Variants in TCF7L2 observed in about 807,000 individuals in gnomAD.
TCF7L2 encodes the protein transcription factor 7-like 2.
A neutral mutation model predicts 77.9 loss-of-function variants in TCF7L2; 23 were observed. The ratio of observed to expected loss-of-function variants is 0.30; its 90% CI spans 0.21 to 0.42. TCF7L2 has a LOEUF of 0.42. TCF7L2 is among the 10% of genes least tolerant of loss of function. TCF7L2 has a pLI of 1.00. For synonymous variants in TCF7L2, 413 were observed against 340.2 expected (o/e 1.21, Z -2.36); for missense variants, 654 against 793.1 (o/e 0.82, Z 2.11).
chr10:112,993,841 G>A (rs1292196668), intron 4 of TCF7L2, among the ~76,000 whole-genome samples: 2 of 152,098 alleles, frequency 1.3e-5, no homozygotes, highest in Non-Finnish European at 2.9e-5. Context: ...CGGATCTTGA[G>A]GTCAGGAGTT....
Position 113,167,328 on chromosome 10 carries a change from C to T in TCF7L2, c.*1356C>T, listed in dbSNP as rs949541154. On this transcript the variant is annotated 3_prime_UTR_variant, in exon 14 of 14. Coordinates refer to ENST00000627217, the MANE Select transcript of TCF7L2 (RefSeq NM_001146274.2). ...CGCTTTTATGTACACATATTACATACGAGTAGGCAGCAGACTTTAAAAATA... is the reference window on the plus strand; with the variant it reads ...CGCTTTTATGTACACATATTACATATGAGTAGGCAGCAGACTTTAAAAATA... 5 of 226,500 alleles carry T rather than the reference C, an allele frequency of 2.2e-5. No individual in the cohort carries two copies. The highest frequency in any genetic ancestry group is 4.4e-5 in the Non-Finnish European group (5 of 114,080). 14.0% of individuals were successfully genotyped at this position (226,500 alleles called of 1,614,324 possible).
At chr10:113,024,817 A>G (rs555704586) in intron 4 of TCF7L2, among the ~76,000 whole-genome samples, 1 of 152,092 alleles carries the variant, frequency 6.6e-6, no homozygotes, top group African/African-American at 2.4e-5. Context: ...ATGAGGTTTC[A>G]CCCTGTTAGC....
intron 4 of TCF7L2, among the ~76,000 whole-genome samples, chr10:112,999,807 A>C (rs554937450): frequency 6.6e-6 from 1 of 152,272 alleles, no homozygotes; most frequent in South Asian, 2.1e-4. Flanking sequence ...CTTGTCTATC[A>C]ATACCCCTGT....
intron 5 of TCF7L2, among the ~76,000 whole-genome samples, chr10:113,075,925 C>A (rs2058641922): frequency 6.6e-6 from 1 of 152,052 alleles, no homozygotes; most frequent in African/African-American, 2.4e-5. Context: ...CACCTGAGGT[C>A]AGGAGTTCGA....
intron 4 of TCF7L2, among the ~76,000 whole-genome samples, chr10:112,989,662 G>A (rs75933965): frequency 0.049 from 7,396 of 152,250 alleles, 197 homozygotes; most frequent in Non-Finnish European, 0.064. Context: ...GCGTTGCTAT[G>A]GTGAGGATGG....
rs376095605 is a variant in TCF7L2, at chr10:113,140,339, T to TC, written c.553-839dup. On this transcript the variant is annotated intron_variant, in intron 5 of 13. Transcript: ENST00000627217. Reference sequence around the variant, plus strand: ...AGAAACATTTTTAAAATGCTTTTCTTCCCCCCACCCTGCCCTCTGCTTCTC... The same window carrying TC: ...AGAAACATTTTTAAAATGCTTTTCTTCCCCCCCACCCTGCCCTCTGCTTCTC... Among the ~76,000 whole-genome samples the TC allele has an allele frequency of 1.8e-3, 281 of 151,976 alleles. 3 individuals carry two copies. The South Asian group carries it at 0.027, about 15-fold the overall frequency.
At chr10:113,156,093 G>A (rs999019302) in intron 11 of TCF7L2, among the ~76,000 whole-genome samples, 1 of 150,988 alleles carries the variant, frequency 6.6e-6, no homozygotes. Context: ...AGAACCTAAC[G>A]TGTTCTCGAG....
At chr10:113,146,639 A>G (rs1238755413) in intron 8 of TCF7L2, among the ~76,000 whole-genome samples, 1 of 151,858 alleles carries the variant, frequency 6.6e-6, no homozygotes, top group East Asian at 1.9e-4. Context: ...TTTTTTAAAA[A>G]AAAGATAAAG....
At chr10:113,004,600 T>G (rs1004756275) in intron 4 of TCF7L2, among the ~76,000 whole-genome samples, 1 of 152,248 alleles carries the variant, frequency 6.6e-6, no homozygotes, top group Non-Finnish European at 1.5e-5. Context: ...TGACTCAATC[T>G]TAAACGTCTT....
chr10:113,088,866 G>A (rs2060092351), intron 5 of TCF7L2, among the ~76,000 whole-genome samples: 1 of 151,934 alleles, frequency 6.6e-6, no homozygotes, highest in African/African-American at 2.4e-5. Context: ...CTGTTTGGGA[G>A]GCTGAGACAG....
chr10:113,122,370 C>T (rs1172009352), intron 5 of TCF7L2, among the ~76,000 whole-genome samples: 1 of 152,200 alleles, frequency 6.6e-6, no homozygotes, highest in Non-Finnish European at 1.5e-5. Flanking sequence ...TTAATCTTTG[C>T]TTAAACATAT....
At chr10:113,155,975 C>T (rs1411396458) in intron 11 of TCF7L2, among the ~76,000 whole-genome samples, 1 of 152,244 alleles carries the variant, frequency 6.6e-6, no homozygotes, top group African/African-American at 2.4e-5. Context: ...CCAAGTTGCA[C>T]AGGCCCCTTC....
At chr10:112,975,545 G>A (rs2039252843) in intron 4 of TCF7L2, among the ~76,000 whole-genome samples, 1 of 152,050 alleles carries the variant, frequency 6.6e-6, no homozygotes, top group Non-Finnish European at 1.5e-5. Flanking sequence ...GCAGTGTTGC[G>A]ATCTTGGATC....
rs2074000925 is a variant in TCF7L2, at chr10:113,165,678, A to T, written c.1515A>T (p.Arg505=). 1 of 1,498,516 alleles carries T rather than the reference A, an allele frequency of 6.7e-7. No individual in the cohort carries two copies. The highest frequency in any genetic ancestry group is 1.9e-5 in the Admixed American group (1 of 53,472). The allele number at this position is 1,498,516 out of a possible 1,614,324, so 92.8% of individuals were successfully genotyped here. A position where few individuals can be genotyped will look rare whatever the true frequency, so the allele number is the denominator to read the frequency against. The change falls in exon 14 of 14, where the codon CGA becomes CGT. Residue 505 remains arginine (R), a synonymous_variant. Transcript: ENST00000627217. Reference sequence around the variant, plus strand: ...CGAACCTGCTAGGCTCCCCTCCCCGAGACGCCAAGTCACAGACTGAGCAGA... The same window carrying T: ...CGAACCTGCTAGGCTCCCCTCCCCGTGACGCCAAGTCACAGACTGAGCAGA...
rs140098241 is a variant in TCF7L2, at chr10:112,979,212, G to A, written c.450+14588G>A. ...TGCATAAGGAGCTTGGCAATGGACC[G>A]CCAAGACATTCATGGTTGTGCACTC... On this transcript the variant is annotated intron_variant, in intron 4 of 13. Coordinates refer to ENST00000627217, the MANE Select transcript of TCF7L2 (RefSeq NM_001146274.2). Among the ~76,000 whole-genome samples, 377 of 152,228 alleles carry A rather than the reference G, an allele frequency of 2.5e-3. 1 individual carries two copies. Among genetic ancestry groups the A allele is most frequent in the African/African-American group, 8.3e-3 (346 of 41,538 alleles).
intron 5 of TCF7L2, among the ~76,000 whole-genome samples, chr10:113,074,977 TAAAGA>T (rs2135326472): frequency 6.6e-6 from 1 of 152,322 alleles, no homozygotes; most frequent in African/African-American, 2.4e-5. Context: ...ATTGAGCAAC[TAAAGA>T]ATAGACTCAG....
At position 113,167,197 on chromosome 10, in the gene TCF7L2, G is replaced by C. The variant is rs1279692459; in HGVS notation, c.*1225G>C. ...GTTTTAATGTCACCTATAACAAAAT[G>C]TGTTTGGTAGCAGATTGTCCAGAAA... On this transcript the variant is annotated 3_prime_UTR_variant, in exon 14 of 14. Transcript: ENST00000627217. The C allele has an allele frequency of 1.3e-5, 3 of 229,278 alleles. No homozygotes were observed. The highest frequency in any genetic ancestry group is 2.6e-5 in the Non-Finnish European group (3 of 115,720). 14.2% of individuals were successfully genotyped at this position (229,278 alleles called of 1,614,324 possible).
rs200117101 is a variant in TCF7L2 at position 113,165,976 on chromosome 10, T to C, written c.*4T>C. The C allele has an allele frequency of 4.5e-5, 68 of 1,503,384 alleles. No individual in the cohort carries two copies. Among genetic ancestry groups the C allele is most frequent in the East Asian group, 2.3e-4 (10 of 43,280 alleles). The allele number at this position is 1,503,384 out of a possible 1,614,324, so 93.1% of individuals were successfully genotyped here. A position where few individuals can be genotyped will look rare whatever the true frequency, so the allele number is the denominator to read the frequency against. On this transcript the variant is annotated 3_prime_UTR_variant, in exon 14 of 14. Transcript: ENST00000627217. ...CGTCACCAAGTCTTTAGAATAGCTTTAGCGTCGTGAACCCCGCTGCTTTGT... is the reference window on the plus strand; with the variant it reads ...CGTCACCAAGTCTTTAGAATAGCTTCAGCGTCGTGAACCCCGCTGCTTTGT...
intron 4 of TCF7L2, among the ~76,000 whole-genome samples, chr10:113,029,946 C>G (rs1033218787): frequency 1.3e-5 from 2 of 151,956 alleles, no homozygotes; most frequent in African/African-American, 4.8e-5. Flanking sequence ...TAAAATGTAC[C>G]CATTTAAGGT....
Sources: allele counts gnomAD v4.1 joint callset (sites outside exome capture counted in the v4.1 genomes callset), GRCh38; gene constraint gnomAD v4.1.1; transcripts MANE v1.5; gene names NCBI Gene and HGNC (gene_info 2026-07-23, HGNC 2026-07-21).